ADAMTS17: variants seen among roughly 807,000 people sequenced by gnomAD.
ADAMTS17 encodes ADAM metallopeptidase with thrombospondin type 1 motif 17, also known as A disintegrin and metalloproteinase with thrombospondin motifs 17.
In ADAMTS17, 113 loss-of-function variants were observed where a neutral mutation model predicts 141.5. The ratio of observed to expected loss-of-function variants is 0.80; its 90% CI spans 0.69 to 0.93. ADAMTS17 has a LOEUF of 0.93. ADAMTS17 is among the 40% of genes least tolerant of loss of function. ADAMTS17 has a pLI of 0.00. For missense variants in ADAMTS17, 1,659 were observed against 1,517.9 expected, an observed-to-expected ratio of 1.09 and a Z score of -1.54; for synonymous variants, 768 against 630.6, an observed-to-expected ratio of 1.22 and a Z score of -3.27.
intron 15 of ADAMTS17, among the ~76,000 whole-genome samples, chr15:100,089,510 C>G (rs2035315729): frequency 6.6e-6 from 1 of 151,226 alleles, no homozygotes. Flanking sequence ...ATAAATCATG[C>G]TGCTATAAAG....
chr15:100,102,978 C>G (rs941434770), intron 14 of ADAMTS17, among the ~76,000 whole-genome samples: 4 of 152,192 alleles, frequency 2.6e-5, no homozygotes, highest in Non-Finnish European at 5.9e-5. Context: ...TCTTCCAGCT[C>G]TGGCCTCTGC....
chr15:100,253,019 G>A (rs935998953), intron 7 of ADAMTS17, among the ~76,000 whole-genome samples: 1 of 152,002 alleles, frequency 6.6e-6, no homozygotes, highest in Non-Finnish European at 1.5e-5. Flanking sequence ...TCACTGCTGG[G>A]GCTCCCCCAG....
intron 18 of ADAMTS17, among the ~76,000 whole-genome samples, chr15:100,011,354 AC>A (rs1283688617): frequency 4.4e-3 from 13 of 2,942 alleles, no homozygotes; most frequent in Non-Finnish European, 8.4e-3. Context: ...AGGAGGAGGG[AC>A]GGGAGGGAGA....
chr15:100,211,321 G>T (rs2054566), intron 7 of ADAMTS17, among the ~76,000 whole-genome samples: 95,244 of 137,802 alleles, frequency 0.69, 32,662 homozygotes, highest in South Asian at 0.78. Flanking sequence ...AAAAAAAAAA[G>T]TTAGAAGAGC....
intron 18 of ADAMTS17, among the ~76,000 whole-genome samples, chr15:100,019,625 C>T (rs1400452373): frequency 2.0e-5 from 3 of 152,156 alleles, no homozygotes; most frequent in Non-Finnish European, 2.9e-5. Flanking sequence ...GTTGCCACGC[C>T]GTTCATTTTT....
intron 2 of ADAMTS17, among the ~76,000 whole-genome samples, chr15:100,335,407 C>T (rs1452590586): frequency 6.6e-6 from 1 of 152,142 alleles, no homozygotes; most frequent in East Asian, 1.9e-4. Flanking sequence ...CTCACTTCTC[C>T]CTCCTGGAAT....
chr15:100,224,666 G>T (rs2042241936), intron 7 of ADAMTS17, among the ~76,000 whole-genome samples: 1 of 152,204 alleles, frequency 6.6e-6, no homozygotes, highest in South Asian at 2.1e-4. Flanking sequence ...CTGATCTGCT[G>T]TAACCTTCTC....
rs1308430230 is a variant in ADAMTS17, at chr15:99,973,701, CCAGACT to C, written c.*695_*700del. 1 of 154,872 alleles carries C rather than the reference CCAGACT, an allele frequency of 6.5e-6. No homozygotes were observed. Among genetic ancestry groups the C allele is most frequent in the Non-Finnish European group, 1.4e-5 (1 of 69,866 alleles). 9.6% of individuals were successfully genotyped at this position (154,872 alleles called of 1,614,324 possible). A position where few individuals can be genotyped will look rare whatever the true frequency, so the allele number is the denominator to read the frequency against. On this transcript the variant is annotated 3_prime_UTR_variant, in exon 22 of 22. Coordinates refer to ENST00000268070, the MANE Select transcript of ADAMTS17 (RefSeq NM_139057.4). ...CTGAAAATTAGATGCTTCCCCAAACCCAGACTCTCTTGGAACATTCTTCCCATGCGG... is the reference window on the plus strand; with the variant it reads ...CTGAAAATTAGATGCTTCCCCAAACCCTCTTGGAACATTCTTCCCATGCGG...
At chr15:100,293,404 CA>C (rs2044709779) in intron 3 of ADAMTS17, among the ~76,000 whole-genome samples, 1 of 152,204 alleles carries the variant, frequency 6.6e-6, no homozygotes, top group Admixed American at 6.5e-5. Context: ...CTGTGGTCCC[CA>C]GGGCTTGGCT....
chr15:100,093,768 T>C (rs2035604892), intron 15 of ADAMTS17, among the ~76,000 whole-genome samples: 1 of 150,562 alleles, frequency 6.6e-6, no homozygotes, highest in African/African-American at 2.4e-5. Flanking sequence ...AGGCTGATGC[T>C]GTCTGTTTGC....
chr15:100,240,673 A>G (rs972834795), intron 7 of ADAMTS17, among the ~76,000 whole-genome samples: 1 of 152,188 alleles, frequency 6.6e-6, no homozygotes, highest in Non-Finnish European at 1.5e-5. Context: ...TGCCACCCAG[A>G]ACTCAGTCCT....
chr15:100,162,705 T>G lies in ADAMTS17; in HGVS notation c.1182-7385A>C, dbSNP rs111208198. On this transcript the variant is annotated intron_variant, in intron 8 of 21. Coordinates refer to ENST00000268070, the MANE Select transcript of ADAMTS17 (RefSeq NM_139057.4). ...TATACACATTATATGTGTATATATA[T>G]GCACATATACACATTATATGTGTAT... 8.6e-3 allele frequency among the ~76,000 whole-genome samples: 1,060 copies of G among 123,524 alleles called. 136 individuals carry two copies. Among genetic ancestry groups the G allele is most frequent in the African/African-American group, 0.035 (994 of 28,374 alleles). The allele number at this position is 123,524 out of a possible 152,430, so 81.0% of individuals were successfully genotyped here.
intron 18 of ADAMTS17, among the ~76,000 whole-genome samples, chr15:100,020,778 C>T (rs2061392433): frequency 6.6e-6 from 1 of 152,226 alleles, no homozygotes; most frequent in Non-Finnish European, 1.5e-5. Flanking sequence ...GGCGCCCATC[C>T]TGACCCAGTG....
At chr15:100,146,822 G>C (rs925724343) in intron 10 of ADAMTS17, among the ~76,000 whole-genome samples, 1 of 152,222 alleles carries the variant, frequency 6.6e-6, no homozygotes, top group Non-Finnish European at 1.5e-5. Flanking sequence ...TTATGGTCGA[G>C]ACTGCAGAGG....
intron 3 of ADAMTS17, among the ~76,000 whole-genome samples, chr15:100,288,480 T>C (rs753116789): frequency 1.3e-5 from 2 of 152,184 alleles, no homozygotes; most frequent in African/African-American, 2.4e-5. Flanking sequence ...CTAATAAAGA[T>C]ATTCAGGACG....
intron 7 of ADAMTS17, among the ~76,000 whole-genome samples, chr15:100,218,564 A>G (rs1276395124): frequency 2.0e-5 from 3 of 152,212 alleles, no homozygotes; most frequent in Non-Finnish European, 4.4e-5. Flanking sequence ...ACTATAATCA[A>G]AAAGATGGGT....
At position 99,972,762 on chromosome 15, in the gene ADAMTS17, C is replaced by T. The variant is rs545262989; in HGVS notation, c.*1640G>A. On this transcript the variant is annotated 3_prime_UTR_variant, in exon 22 of 22. Coordinates refer to ENST00000268070, the MANE Select transcript of ADAMTS17 (RefSeq NM_139057.4). ...AGTAAATTCCCTGACATCCCTACCG[C>T]TTCTCTGCCTCTAGGGTAGTAAAAA... 1 of 152,324 alleles carries T rather than the reference C, an allele frequency of 6.6e-6. No homozygotes were observed. Among genetic ancestry groups the T allele is most frequent in the East Asian group, 1.9e-4 (1 of 5,186 alleles). The allele number at this position is 152,324 out of a possible 1,614,324, so 9.4% of individuals were successfully genotyped here.
chr15:100,113,097 G>GC (rs1567195965), intron 13 of ADAMTS17, among the ~76,000 whole-genome samples: 6 of 152,082 alleles, frequency 3.9e-5, no homozygotes. Flanking sequence ...GCCCAACCCG[G>GC]CCCCCTCATC....
intron 20 of ADAMTS17, among the ~76,000 whole-genome samples, chr15:99,982,481 A>T (rs973624332): frequency 2.6e-5 from 4 of 152,178 alleles, no homozygotes; most frequent in African/African-American, 9.6e-5. Flanking sequence ...ACACCCTCGT[A>T]ACCTGAGCTG....
Sources: allele counts gnomAD v4.1 joint callset (sites outside exome capture counted in the v4.1 genomes callset), GRCh38; gene constraint gnomAD v4.1.1; transcripts MANE v1.5; gene names NCBI Gene and HGNC (gene_info 2026-07-23, HGNC 2026-07-21).